HDAC8: variants seen among roughly 807,000 people sequenced by gnomAD.
HDAC8 encodes the protein histone deacetylase-like 1.
Under a neutral mutation model 32.2 loss-of-function variants are expected in HDAC8, and 1 was observed. The ratio of observed to expected loss-of-function variants is 0.03; its 90% CI spans 0.01 to 0.15. The LOEUF is 0.15. Among genes scored for constraint, HDAC8 ranks in the 10% least tolerant of loss-of-function variants. The pLI is 1.00. For synonymous variants in HDAC8, 108 were observed against 113.9 expected (o/e 0.95, Z 0.33); for missense variants, 117 against 300.0 (o/e 0.39, Z 4.51).
At chrX:72,380,698 T>C (rs2045244468) in intron 9 of HDAC8, among the ~76,000 whole-genome samples, 1 of 111,334 alleles carries the variant, frequency 9.0e-6, no homozygotes, top group Non-Finnish European at 1.9e-5. Context: ...TTGCTACTCC[T>C]ACTCTAGACC....
At chrX:72,562,661 T>C (rs1556123237) in intron 4 of HDAC8, among the ~76,000 whole-genome samples, 1 of 109,747 alleles carries the variant, frequency 9.1e-6, no homozygotes, top group Admixed American at 9.8e-5. Context: ...CCACCTGTTC[T>C]CCAAAAGCCT....
chrX:72,441,328 C>T (rs1188561438), intron 9 of HDAC8, among the ~76,000 whole-genome samples: 1 of 111,984 alleles, frequency 8.9e-6, no homozygotes, highest in African/African-American at 3.2e-5. Context: ...GGGTACTCCT[C>T]TGAGACAAAA....
At chrX:72,357,279 T>A (rs1205985939) in intron 9 of HDAC8, among the ~76,000 whole-genome samples, 4 of 107,819 alleles carry the variant, frequency 3.7e-5, no homozygotes, top group Non-Finnish European at 5.7e-5. Flanking sequence ...AGGGTCAGGA[T>A]GCTGATGACA....
chrX:72,477,294 C>A (rs1423676511), intron 7 of HDAC8, among the ~76,000 whole-genome samples: 1 of 112,036 alleles, frequency 8.9e-6, no homozygotes, highest in African/African-American at 3.2e-5. Flanking sequence ...GAAGAATTCA[C>A]AATTTACCTA....
intron 9 of HDAC8, among the ~76,000 whole-genome samples, chrX:72,360,378 A>G (rs1489860801): frequency 9.0e-6 from 1 of 111,506 alleles, no homozygotes; most frequent in Non-Finnish European, 1.9e-5. Flanking sequence ...GAAGAAAGAA[A>G]GAGCTTCTGT....
At chrX:72,330,665 G>A (rs961310599) in intron 10 of HDAC8, among the ~76,000 whole-genome samples, 2 of 110,866 alleles carry the variant, frequency 1.8e-5, no homozygotes, top group Non-Finnish European at 3.8e-5. Context: ...TACCGGACTG[G>A]GCTCTAGGAA....
At chrX:72,362,838 C>A (rs1167635104) in intron 9 of HDAC8, among the ~76,000 whole-genome samples, 3 of 111,318 alleles carry the variant, frequency 2.7e-5, no homozygotes, top group Non-Finnish European at 5.7e-5. Flanking sequence ...AACCCTGAAG[C>A]CAGAAAGAGT....
chrX:72,566,860 A>T (rs1163763582), intron 4 of HDAC8, among the ~76,000 whole-genome samples: 1 of 112,272 alleles, frequency 8.9e-6, no homozygotes, highest in Non-Finnish European at 1.9e-5. Flanking sequence ...AAACTCTAGA[A>T]GGTGGCCAGG....
chrX:72,447,128 C>T (rs2047429510), intron 9 of HDAC8, among the ~76,000 whole-genome samples: 1 of 111,910 alleles, frequency 8.9e-6, no homozygotes, highest in Non-Finnish European at 1.9e-5. Flanking sequence ...CTGGTAGAGA[C>T]ACAGAAAAAA....
intron 4 of HDAC8, among the ~76,000 whole-genome samples, chrX:72,543,125 C>T (rs1025175192): frequency 2.7e-5 from 3 of 111,656 alleles, no homozygotes; most frequent in East Asian, 2.8e-4. Flanking sequence ...ATGCTGAAGG[C>T]TAACTGGCTA....
At chrX:72,354,871 T>G (rs1001695317) in intron 9 of HDAC8, among the ~76,000 whole-genome samples, 2 of 111,747 alleles carry the variant, frequency 1.8e-5, no homozygotes, top group African/African-American at 6.5e-5. Context: ...ATAATATCTA[T>G]AAAAGGGCCT....
intron 7 of HDAC8, chrX:72,473,930 T>C (rs1178760484): frequency 4.1e-6 from 3 of 723,983 alleles, no homozygotes; most frequent in Non-Finnish European, 4.9e-6. Context: ...CAATCTTCTT[T>C]GCAACTTCTC....
rs1260063967 is a variant in HDAC8, at chrX:72,567,629, G to A, written c.437+260C>T. On this transcript the variant is annotated intron_variant, in intron 4 of 10. Coordinates refer to ENST00000373573, the MANE Select transcript of HDAC8 (RefSeq NM_018486.3). ...TATTGATGAAGAAACTGAGGCCTAG[G>A]GAGGGTAATCAGTCCAAGTCAGTTA... The A allele has an allele frequency of 7.2e-6, 5 of 692,597 alleles. No individual in the cohort carries two copies. The East Asian group carries it at 1.6e-4, about 22-fold the overall frequency. 57.1% of individuals were successfully genotyped at this position (692,597 alleles called of 1,213,427 possible).
At chrX:72,525,813 CAAAAAAAA>C (rs57801277) in intron 4 of HDAC8, among the ~76,000 whole-genome samples, 5 of 21,554 alleles carry the variant, frequency 2.3e-4, no homozygotes, top group Admixed American at 1.1e-3. Context: ...GACTCTGTCT[CAAAAAAAA>C]AAAAAAAAAA....
intron 4 of HDAC8, among the ~76,000 whole-genome samples, chrX:72,497,662 T>A (rs1450384933): frequency 8.9e-6 from 1 of 111,837 alleles, no homozygotes; most frequent in African/African-American, 3.2e-5. Context: ...CCTAAGTGTT[T>A]ACGATTATAA....
At chrX:72,569,287 T>C (rs2051920616) in intron 2 of HDAC8, among the ~76,000 whole-genome samples, 1 of 112,200 alleles carries the variant, frequency 8.9e-6, no homozygotes, top group Admixed American at 9.5e-5. Flanking sequence ...ATATCTTTAT[T>C]TTAATAGGCA....
At chrX:72,432,119 T>C (rs1490435881) in intron 9 of HDAC8, among the ~76,000 whole-genome samples, 3 of 110,837 alleles carry the variant, frequency 2.7e-5, no homozygotes, top group Non-Finnish European at 5.7e-5. Flanking sequence ...TACAGGCATG[T>C]ACCACCTCAC....
Position 72,336,004 on chromosome X carries a change from G to A in HDAC8, c.1112-5928C>T, listed in dbSNP as rs1186630661. ...CCCAAACATTCATGTGCAGGTTTTC[G>A]TGTGGACATGAGTTTTTAATTCATT... On this transcript the variant is annotated intron_variant, in intron 10 of 10. Coordinates refer to ENST00000373573, the MANE Select transcript of HDAC8 (RefSeq NM_018486.3). 8.1e-5 allele frequency among the ~76,000 whole-genome samples: 9 copies of A among 111,069 alleles called. No homozygotes were observed. The East Asian group carries it at 1.7e-3, about 21-fold the overall frequency.
chrX:72,381,809 T>C (rs1316655013), intron 9 of HDAC8, among the ~76,000 whole-genome samples: 2 of 112,509 alleles, frequency 1.8e-5, no homozygotes, highest in Non-Finnish European at 3.8e-5. Flanking sequence ...TAGAAATTCC[T>C]ATTTAAAGCA....
Sources: allele counts gnomAD v4.1 joint callset (sites outside exome capture counted in the v4.1 genomes callset), GRCh38; gene constraint gnomAD v4.1.1; transcripts MANE v1.5; gene names NCBI Gene and HGNC (gene_info 2026-07-23, HGNC 2026-07-21).